Variants in SELENOT observed in about 807,000 individuals in gnomAD.
The protein encoded by SELENOT is selenoprotein T, also known as thioredoxin reductase-like selenoprotein T.
In SELENOT, 9 loss-of-function variants were observed where a neutral mutation model predicts 24.3. That is an observed-to-expected ratio of 0.37 (90% CI 0.22 to 0.65). The LOEUF is 0.65. Among genes scored for constraint, SELENOT ranks in the 30% least tolerant of loss-of-function variants. SELENOT has a pLI of 0.60. For missense variants in SELENOT, 166 were observed against 247.6 expected (o/e 0.67, Z 2.21); for synonymous variants, 81 against 86.0 (o/e 0.94, Z 0.32).
At chr3:150,614,158 G>A (rs954591547) in intron 1 of SELENOT, among the ~76,000 whole-genome samples, 2 of 152,130 alleles carry the variant, frequency 1.3e-5, no homozygotes, top group African/African-American at 4.8e-5. Context: ...ATGCTAACAA[G>A]TACAAAGAAA....
rs1242078947 is a variant in SELENOT, at chr3:150,616,205, T to C, written c.138-6180T>C. ...ACCTTATACAAAAATCAATTCAAGA[T>C]GGATTAAAGACTTAAACATTAGACC... On this transcript the variant is annotated intron_variant, in intron 1 of 5. Transcript: ENST00000471696. Among the ~76,000 whole-genome samples, 19 of 147,116 alleles carry C rather than the reference T, an allele frequency of 1.3e-4. No individual in the cohort carries two copies. The East Asian group carries it at 3.2e-3, about 25-fold the overall frequency.
chr3:150,617,541 T>C (rs1256396402), intron 1 of SELENOT, among the ~76,000 whole-genome samples: 1 of 152,132 alleles, frequency 6.6e-6, no homozygotes, highest in Non-Finnish European at 1.5e-5. Flanking sequence ...TCTTGTACTT[T>C]TACCTGTTGG....
chr3:150,615,979 A>G (rs1306751388), intron 1 of SELENOT, among the ~76,000 whole-genome samples: 3 of 152,054 alleles, frequency 2.0e-5, no homozygotes, highest in African/African-American at 7.2e-5. Context: ...CCAAAACAGC[A>G]TGGTACTGGT....
At chr3:150,606,150 CT>C (rs34860334) in intron 1 of SELENOT, among the ~76,000 whole-genome samples, 40,515 of 127,254 alleles carry the variant, frequency 0.32, 4,908 homozygotes, top group East Asian at 0.43. Flanking sequence ...TTCTTTCTTC[CT>C]TTTTTTTTTT....
intron 1 of SELENOT, among the ~76,000 whole-genome samples, chr3:150,618,052 T>C (rs1395031387): frequency 1.3e-5 from 2 of 152,158 alleles, no homozygotes; most frequent in East Asian, 3.8e-4. Context: ...AGACAGAGTT[T>C]CACCATGTTG....
In SELENOT at chr3:150,626,916, A is replaced by T. The variant is rs1726457573; in HGVS notation, c.464-94A>T. The T allele has an allele frequency of 7.7e-6, 10 of 1,292,290 alleles. No individual in the cohort carries two copies. In the South Asian group the frequency reaches 1.3e-4, roughly 16 times the overall value. 80.1% of individuals were successfully genotyped at this position (1,292,290 alleles called of 1,614,324 possible). A position where few individuals can be genotyped will look rare whatever the true frequency, so the allele number is the denominator to read the frequency against. On this transcript the variant is annotated intron_variant, in intron 4 of 5. Transcript: ENST00000471696. The stretch of plus-strand genomic sequence containing the variant: ...ACTTTTTTGCCTACTTTTGTATCCC[A>T]GTTGTGTACATAGATGATAAATATT...
intron 1 of SELENOT, 90 bp downstream of exon 1, chr3:150,603,589 G>A (rs986317471): frequency 2.4e-5 from 33 of 1,389,144 alleles, no homozygotes; most frequent in Non-Finnish European, 2.8e-5. Context: ...GGCCTAAATG[G>A]CCGCATCTTC....
At chr3:150,624,512 C>T (rs1726400737) in intron 3 of SELENOT, among the ~76,000 whole-genome samples, 1 of 152,108 alleles carries the variant, frequency 6.6e-6, no homozygotes, top group East Asian at 1.9e-4. Flanking sequence ...CATCACAAGT[C>T]TCTTATGAAT....
At chr3:150,612,087 G>A (rs904955605) in intron 1 of SELENOT, among the ~76,000 whole-genome samples, 2 of 151,910 alleles carry the variant, frequency 1.3e-5, no homozygotes, top group Non-Finnish European at 2.9e-5. Context: ...ACTGTTACAT[G>A]GGGTCTTCAG....
intron 1 of SELENOT, among the ~76,000 whole-genome samples, chr3:150,615,197 A>T (rs1465482593): frequency 1.3e-5 from 2 of 151,456 alleles, no homozygotes; most frequent in Non-Finnish European, 2.9e-5. Flanking sequence ...ACATGAATGC[A>T]TCATTTTTTA....
In SELENOT at chr3:150,603,361, A is replaced by G; in HGVS notation, c.-2A>G. On this transcript the variant is annotated 5_prime_UTR_variant, in exon 1 of 6. Coordinates refer to ENST00000471696, the MANE Select transcript of SELENOT (RefSeq NM_016275.5). Reference sequence around the variant, plus strand: ...GCGGCCGAAGTGGCTGGCTCATTTAAGATGAGGCTTCTGCTGCTTCTCCTA... The same window carrying G: ...GCGGCCGAAGTGGCTGGCTCATTTAGGATGAGGCTTCTGCTGCTTCTCCTA... 2 of 1,610,918 alleles carry G rather than the reference A, an allele frequency of 1.2e-6. No homozygotes were observed. Among genetic ancestry groups the G allele is most frequent in the Non-Finnish European group, 1.7e-6 (2 of 1,177,904 alleles).
intron 1 of SELENOT, among the ~76,000 whole-genome samples, chr3:150,610,662 G>T (rs559859047): frequency 2.6e-5 from 4 of 152,230 alleles, no homozygotes; most frequent in African/African-American, 9.6e-5. Flanking sequence ...GTTCCCCAGG[G>T]TTTGCTGTGT....
rs769929273 is a variant in SELENOT at position 150,627,050 on chromosome 3, A to G, written c.504A>G (p.Pro168=). 1 of 1,613,630 alleles carries G rather than the reference A, an allele frequency of 6.2e-7. No individual in the cohort carries two copies. The highest frequency in any genetic ancestry group is 8.5e-7 in the Non-Finnish European group (1 of 1,179,814). ...VWSKLESGHL[P]SMQQLVQILD... Reference sequence around the variant, plus strand: ...CTAAGCTGGAATCTGGTCACCTTCCATCCATGCAACAACTTGTTCAAATTC... The same window carrying G: ...CTAAGCTGGAATCTGGTCACCTTCCGTCCATGCAACAACTTGTTCAAATTC... Residue 168 remains proline (P), a synonymous_variant, in exon 5 of 6, where the codon CCA becomes CCG. Coordinates refer to ENST00000471696, the MANE Select transcript of SELENOT (RefSeq NM_016275.5).
At chr3:150,612,199 TCTC>T (rs1278726872) in intron 1 of SELENOT, among the ~76,000 whole-genome samples, 1 of 151,934 alleles carries the variant, frequency 6.6e-6, no homozygotes, top group Non-Finnish European at 1.5e-5. Flanking sequence ...CTCAAGCTAT[TCTC>T]CTGCCTCAGT....
intron 1 of SELENOT, among the ~76,000 whole-genome samples, chr3:150,613,885 G>C (rs1228743968): frequency 6.6e-6 from 1 of 152,060 alleles, no homozygotes; most frequent in East Asian, 1.9e-4. Context: ...TACAGGTAGA[G>C]ATAGATATGT....
intron 1 of SELENOT, among the ~76,000 whole-genome samples, chr3:150,616,496 A>G (rs1269917243): frequency 6.7e-6 from 1 of 149,508 alleles, no homozygotes; most frequent in Non-Finnish European, 1.5e-5. Flanking sequence ...ACTCAAACAA[A>G]TTTACAAGAA....
intron 1 of SELENOT, among the ~76,000 whole-genome samples, chr3:150,618,260 C>G (rs2108011205): frequency 6.6e-6 from 1 of 152,264 alleles, no homozygotes; most frequent in African/African-American, 2.4e-5. Context: ...GGAATTAGGC[C>G]TCGTTGTGTA....
chr3:150,625,367 C>G (rs1240550986), intron 4 of SELENOT, among the ~76,000 whole-genome samples: 1 of 152,136 alleles, frequency 6.6e-6, no homozygotes, highest in Non-Finnish European at 1.5e-5. Context: ...TGACATTTCT[C>G]ATTTATTTAG....
rs564577554 is a variant in SELENOT at position 150,630,084 on chromosome 3, T to A, written c.*2455T>A. 1 of 152,526 alleles carries A rather than the reference T, an allele frequency of 6.6e-6. No individual in the cohort carries two copies. Among genetic ancestry groups the A allele is most frequent in the African/African-American group, 2.4e-5 (1 of 41,592 alleles). The allele number at this position is 152,526 out of a possible 1,614,324, so 9.4% of individuals were successfully genotyped here. A position where few individuals can be genotyped will look rare whatever the true frequency, so the allele number is the denominator to read the frequency against. ...GTGTATAAGATGTGCAAGACAAATA[T>A]GCTTATTTCCTTTTCTAGAATATAA... On this transcript the variant is annotated 3_prime_UTR_variant, in exon 6 of 6. Transcript: ENST00000471696.
Sources: gnomAD v4.1 joint callset for allele counts (sites outside exome capture counted in the v4.1 genomes callset) on GRCh38, gnomAD v4.1.1 for gene constraint, MANE v1.5 for transcripts, NCBI Gene and HGNC (gene_info 2026-07-23, HGNC 2026-07-21) for gene names.